The following PCDHGA2 variants were observed in gnomAD, a reference collection of about 807,000 sequenced individuals.
PCDHGA2 encodes protocadherin gamma subfamily A, 2, also known as protocadherin gamma-A2.
PCDHGA2 carries 40 observed loss-of-function variants against 59.2 expected under a neutral mutation model. That is an observed-to-expected ratio of 0.68 (90% CI 0.52 to 0.88). PCDHGA2 has a LOEUF of 0.88. Ranked by LOEUF, PCDHGA2 falls within the 40% of genes least tolerant of loss-of-function variation. The probability of loss-of-function intolerance (pLI) is 0.00; values close to 1 mark genes in which losing one functional copy is unlikely to be tolerated. For synonymous variants in PCDHGA2, 560 were observed against 526.0 expected, an observed-to-expected ratio of 1.06 and a Z score of -0.89; for missense variants, 1,226 against 1,204.0, an observed-to-expected ratio of 1.02 and a Z score of -0.27.
In PCDHGA2 at chr5:141,409,757, G is replaced by T. The variant is rs376391018; in HGVS notation, c.2424+68362G>T. On this transcript the variant is annotated intron_variant, in intron 1 of 3. Coordinates refer to ENST00000394576, the MANE Select transcript of PCDHGA2 (RefSeq NM_018915.4). ...GAGCGGGGTGGTGTTCGCGCAGCGC[G>T]CCTTTGATCACGAGCAGCTGCGCGC... is the stretch of plus-strand genomic sequence containing the variant. 5 of 1,612,868 alleles carry T rather than the reference G, an allele frequency of 3.1e-6. No homozygotes were observed. In the East Asian group the frequency reaches 6.7e-5, roughly 22 times the overall value.
chr5:141,507,578 C>T (rs1268451710), intron 3 of PCDHGA2, among the ~76,000 whole-genome samples: 1 of 152,220 alleles, frequency 6.6e-6, no homozygotes, highest in East Asian at 1.9e-4. Context: ...GAGGAGATGC[C>T]AAGTTGGCCT....
Position 141,339,704 on chromosome 5 carries a change from C to T in PCDHGA2, c.733C>T (p.Pro245Ser), listed in dbSNP as rs1437597549. The change falls in exon 1 of 4, where the codon CCC (proline) becomes TCC (serine). Residue 245 changes from proline to serine, a missense_variant. By Grantham distance (74) the Pro-to-Ser change is moderately conservative (BLOSUM62 -1). Coordinates refer to ENST00000394576, the MANE Select transcript of PCDHGA2 (RefSeq NM_018915.4). Reference protein sequence around the residue: ...ANDNAPVFTQPEYRISIPENT... With the variant: ...ANDNAPVFTQSEYRISIPENT... ...CGACAATGCGCCTGTTTTTACACAG[C>T]CCGAGTACCGCATAAGCATTCCGGA... The T allele has an allele frequency of 1.2e-6, 2 of 1,614,082 alleles. No individual in the cohort carries two copies. Among genetic ancestry groups the T allele is most frequent in the African/African-American group, 1.3e-5 (1 of 74,932 alleles).
intron 1 of PCDHGA2, chr5:141,423,382 C>A (rs1244632347): frequency 6.2e-7 from 1 of 1,614,118 alleles, no homozygotes; most frequent in Admixed American, 1.7e-5. Context: ...CAGGCTGTGG[C>A]GCTGGCATAA....
intron 3 of PCDHGA2, 77 bp downstream of exon 3, chr5:141,505,558 C>T (rs945428797): frequency 3.7e-6 from 6 of 1,605,016 alleles, no homozygotes; most frequent in African/African-American, 1.3e-5. Context: ...ACCATGCCCA[C>T]GGACTGGATG....
Position 141,346,038 on chromosome 5 carries a change from C to T in PCDHGA2, c.2424+4643C>T, listed in dbSNP as rs767383740. 89 of 1,613,338 alleles carry T rather than the reference C, an allele frequency of 5.5e-5. No homozygotes were observed. In the Admixed American group the frequency reaches 6.3e-4, roughly 11 times the overall value. On this transcript the variant is annotated intron_variant, in intron 1 of 3. Transcript: ENST00000394576. ...CACCGTGGCCGTGGCCGACAGGATCCCCGACATCCTGGCCGACCTGGGCAG... is the reference window on the plus strand; with the variant it reads ...CACCGTGGCCGTGGCCGACAGGATCTCCGACATCCTGGCCGACCTGGGCAG...
intron 1 of PCDHGA2, among the ~76,000 whole-genome samples, chr5:141,382,559 C>T (rs1588920623): frequency 1.3e-5 from 2 of 152,238 alleles, no homozygotes; most frequent in East Asian, 1.9e-4. Context: ...ATATCTAGAG[C>T]AAAGAAATCT....
At position 141,485,359 on chromosome 5, in the gene PCDHGA2, C is replaced by G. The variant is rs1233826208; in HGVS notation, c.2425-9448C>G. 6.2e-7 allele frequency: 1 copy of G among 1,614,026 alleles called. No individual in the cohort carries two copies. The highest frequency in any genetic ancestry group is 8.5e-7 in the Non-Finnish European group (1 of 1,180,018). On this transcript the variant is annotated intron_variant, in intron 1 of 3. Transcript: ENST00000394576. This position sits in a 1 kb window ranked among gnomAD's most constrained non-coding sequence, Gnocchi z 5.7. ...TGGATACGGACAGTCTGTCAGCTCG[C>G]AGGCTGCAGGTCGCTGGAGAGGTGA...
chr5:141,371,814 G>C (rs1020682392), intron 1 of PCDHGA2: 4 of 1,613,892 alleles, frequency 2.5e-6, no homozygotes, highest in Middle Eastern at 1.6e-4. Context: ...CATTGCGCAT[G>C]TCAGAGCCTC....
At chr5:141,501,287 T>C (rs1025193070) in intron 2 of PCDHGA2, among the ~76,000 whole-genome samples, 1 of 96,980 alleles carries the variant, frequency 1.0e-5, no homozygotes, top group African/African-American at 4.2e-5. Context: ...GGATATTCCC[T>C]TATACACACA....
At chr5:141,428,312 C>A in intron 1 of PCDHGA2, 1 of 671,484 alleles carries the variant, frequency 1.5e-6, no homozygotes, top group Non-Finnish European at 2.7e-6. Flanking sequence ...CTGGTCGTGG[C>A]CTTGGCCTTG....
In PCDHGA2 at chr5:141,409,983, T is replaced by C. The variant is rs1481655663; in HGVS notation, c.2424+68588T>C. The C allele has an allele frequency of 1.2e-6, 2 of 1,613,160 alleles. No individual in the cohort carries two copies. Among genetic ancestry groups the C allele is most frequent in the African/African-American group, 2.7e-5 (2 of 74,914 alleles). On this transcript the variant is annotated intron_variant, in intron 1 of 3. Coordinates refer to ENST00000394576, the MANE Select transcript of PCDHGA2 (RefSeq NM_018915.4). ...TACCTAGTGACTAAGGTGGTAGCGG[T>C]GGACGCCGACTCGGGACACAACGCC... is the stretch of plus-strand genomic sequence containing the variant.
intron 1 of PCDHGA2, among the ~76,000 whole-genome samples, chr5:141,467,359 A>G (rs997614051): frequency 1.3e-5 from 2 of 151,714 alleles, no homozygotes; most frequent in African/African-American, 4.8e-5. Context: ...GGCCAAATCA[A>G]CGTTTTCTTA....
chr5:141,480,429 T>A (rs72790066), intron 1 of PCDHGA2, among the ~76,000 whole-genome samples: 9,317 of 151,926 alleles, frequency 0.061, 335 homozygotes, highest in South Asian at 0.12. Context: ...AAAAAAATTA[T>A]CAGCTATTAC....
rs755409676 is a variant in PCDHGA2 at position 141,383,729 on chromosome 5, T to C, written c.2424+42334T>C. 7 of 1,613,984 alleles carry C rather than the reference T, an allele frequency of 4.3e-6. No homozygotes were observed. In the South Asian group the frequency reaches 6.6e-5, roughly 15 times the overall value. ...CTGGACGAGGGAGTCAATGGGGAAG[T>C]GACATATTCTTTTCGGAAAATAACT... On this transcript the variant is annotated intron_variant, in intron 1 of 3. Transcript: ENST00000394576.
rs2095763034 is a variant in PCDHGA2, at chr5:141,414,586, A to G, written c.2424+73191A>G. 1.2e-6 allele frequency: 2 copies of G among 1,613,964 alleles called. No individual in the cohort carries two copies. The highest frequency in any genetic ancestry group is 8.5e-7 in the Non-Finnish European group (1 of 1,179,880). On this transcript the variant is annotated intron_variant, in intron 1 of 3. Transcript: ENST00000394576. ...TACCTATATCCCAGAGAACAACGCC[A>G]GGGGTGCCTCCATCTTCTCAGTGAC...
In PCDHGA2 at chr5:141,339,625, T is replaced by C; in HGVS notation, c.654T>C (p.Gly218=). The C allele has an allele frequency of 6.2e-7, 1 of 1,613,924 alleles. No homozygotes were observed. Among genetic ancestry groups the C allele is most frequent in the Middle Eastern group, 1.6e-4 (1 of 6,062 alleles). The change falls in exon 1 of 4, where the codon GGT becomes GGC. Residue 218 remains glycine (G), a synonymous_variant. Transcript: ENST00000394576. ...TCGTTCTCGTGGCTTCTGATGGGGG[T>C]GACCCAGTGCTATCTGGCACCTCCC... is the stretch of plus-strand genomic sequence containing the variant. ...HHLVLVASDG[G]DPVLSGTSRI... is the part of the protein sequence containing the mutation.
intron 3 of PCDHGA2, among the ~76,000 whole-genome samples, chr5:141,505,766 C>T (rs1420683619): frequency 2.0e-5 from 3 of 151,768 alleles, no homozygotes; most frequent in African/African-American, 4.8e-5. Context: ...CAGTGTAGCT[C>T]AGGTCCTAGC....
chr5:141,340,705 G>T lies in PCDHGA2; in HGVS notation c.1734G>T (p.Ala578=), dbSNP rs144207825. 5.0e-6 allele frequency: 8 copies of T among 1,614,098 alleles called. No homozygotes were observed. The African/African-American group carries it at 9.3e-5, about 19-fold the overall frequency. The stretch of plus-strand genomic sequence containing the variant: ...ACGGTTCCACTGGCGTGGAGCTGGC[G>T]CCCCGCTCCGCAGAGCCCGGCTACC... ...PTDGSTGVEL[A]PRSAEPGYLV... The change falls in exon 1 of 4, where the codon GCG becomes GCT. Residue 578 remains alanine (A), a synonymous_variant. Coordinates refer to ENST00000394576, the MANE Select transcript of PCDHGA2 (RefSeq NM_018915.4).
intron 1 of PCDHGA2, chr5:141,428,729 A>T (rs1362138016): frequency 6.3e-6 from 1 of 159,768 alleles, no homozygotes; most frequent in East Asian, 1.8e-4. Flanking sequence ...AATCTTAAAC[A>T]TATTATATCT....
Sources: gnomAD v4.1 joint callset for allele counts (sites outside exome capture counted in the v4.1 genomes callset) on GRCh38, gnomAD v4.1.1 for gene constraint, Gnocchi (gnomAD v3.1) non-coding constraint, MANE v1.5 for transcripts, NCBI Gene and HGNC (gene_info 2026-07-23, HGNC 2026-07-21) for gene names.